The following SNX30 variants were observed in gnomAD, a reference collection of about 807,000 sequenced individuals.
SNX30 encodes sorting nexin family member 30, also known as sorting nexin-30.
Under a neutral mutation model 46.4 loss-of-function variants are expected in SNX30, and 24 were observed. That is an observed-to-expected ratio of 0.52 (90% CI 0.37 to 0.73). The LOEUF is 0.73. SNX30 is among the 30% of genes least tolerant of loss of function. SNX30 has a pLI of 0.00. For missense variants in SNX30, 533 were observed against 555.7 expected (o/e 0.96, Z 0.41); for synonymous variants, 189 against 211.5 (o/e 0.89, Z 0.92).
downstream of SNX30, among the ~76,000 whole-genome samples, chr9:112,883,731 T>C (rs1841611811): frequency 6.8e-6 from 1 of 147,520 alleles, no homozygotes; most frequent in Non-Finnish European, 1.5e-5. Context: ...GGAGTCTAGC[T>C]CTGTCACCCA....
intron 1 of SNX30, among the ~76,000 whole-genome samples, chr9:112,779,271 G>T (rs1839805899): frequency 6.6e-6 from 1 of 152,222 alleles, no homozygotes; most frequent in Admixed American, 6.5e-5. Context: ...GGGAAGAGAA[G>T]AGTGAGCCTC....
At chr9:112,760,015 G>A (rs1839411448) in intron 1 of SNX30, among the ~76,000 whole-genome samples, 1 of 152,072 alleles carries the variant, frequency 6.6e-6, no homozygotes, top group Non-Finnish European at 1.5e-5. Context: ...TCTACATTTT[G>A]GCCTATGCTT....
intron 6 of SNX30, among the ~76,000 whole-genome samples, chr9:112,839,556 C>A (rs1255084729): frequency 6.6e-6 from 1 of 152,182 alleles, no homozygotes; most frequent in Non-Finnish European, 1.5e-5. Flanking sequence ...AGTGCCCACA[C>A]TGGAAACTTC....
At chr9:112,882,802 C>G (rs2131540797), downstream of SNX30, among the ~76,000 whole-genome samples, 1 of 152,060 alleles carries the variant, frequency 6.6e-6, no homozygotes, top group Non-Finnish European at 1.5e-5. Context: ...ATCAAGAACC[C>G]TATTTTGGAA....
chr9:112,758,547 CTTG>C (rs1839387512), intron 1 of SNX30, among the ~76,000 whole-genome samples: 1 of 152,156 alleles, frequency 6.6e-6, no homozygotes, highest in Non-Finnish European at 1.5e-5. Flanking sequence ...CCAGGCTGGT[CTTG>C]ACGCCTGGCT....
At chr9:112,787,206 C>T (rs1839943435) in intron 1 of SNX30, among the ~76,000 whole-genome samples, 1 of 152,194 alleles carries the variant, frequency 6.6e-6, no homozygotes, top group Non-Finnish European at 1.5e-5. Flanking sequence ...CTTCTAGCTG[C>T]TTTGTGGTGA....
chr9:112,764,024 G>A (rs534861393), intron 1 of SNX30, among the ~76,000 whole-genome samples: 3 of 151,758 alleles, frequency 2.0e-5, no homozygotes, highest in African/African-American at 4.8e-5. Context: ...CCACCCTTTC[G>A]AGTCTCCTTT....
chr9:112,839,181 A>G (rs1210987630), intron 6 of SNX30, among the ~76,000 whole-genome samples: 1 of 152,242 alleles, frequency 6.6e-6, no homozygotes, highest in Admixed American at 6.5e-5. Flanking sequence ...CATCCGACTG[A>G]TAAGAGTTCC....
At chr9:112,837,528 T>C (rs1477372987) in intron 5 of SNX30, among the ~76,000 whole-genome samples, 1 of 151,992 alleles carries the variant, frequency 6.6e-6, no homozygotes, top group African/African-American at 2.4e-5. Context: ...CAGGCTGGAG[T>C]GCAGTGGCAC....
chr9:112,864,275 A>T lies in SNX30; in HGVS notation c.1130A>T (p.Asp377Val). The change falls in exon 8 of 9, where the codon GAT becomes GTT. Residue 377 changes from aspartate (D) to valine (V), a missense_variant. By Grantham distance (152) the Asp-to-Val change is radical (BLOSUM62 -3). Around this residue, in one of 3 missense-constraint regions of SNX30, gnomAD observed 261 missense variants for 270.9 expected, o/e 0.96. Coordinates refer to ENST00000374232, the MANE Select transcript of SNX30 (RefSeq NM_001012994.2). Reference protein sequence around the residue: ...KVPADVEKCQDRMECFNADLK... With the variant: ...KVPADVEKCQVRMECFNADLK... ...CCGGCGGACGTCGAGAAATGTCAGG[A>T]TCGGATGGAGTGTTTCAATGCTGAC... 6.2e-7 allele frequency: 1 copy of T among 1,614,030 alleles called. No individual in the cohort carries two copies. The highest frequency in any genetic ancestry group is 8.5e-7 in the Non-Finnish European group (1 of 1,179,990).
In SNX30 at chr9:112,862,207, G is replaced by A. The variant is rs555748658; in HGVS notation, c.1102-2040G>A. ...CACACCTGGGAATCTTTAAACCTGG[G>A]AATCTTTCCTCTGTGAACAGTCCTG... On this transcript the variant is annotated intron_variant, in intron 7 of 8. Coordinates refer to ENST00000374232, the MANE Select transcript of SNX30 (RefSeq NM_001012994.2). 2.6e-5 allele frequency among the ~76,000 whole-genome samples: 4 copies of A among 152,290 alleles called. No individual in the cohort carries two copies. In the South Asian group the frequency reaches 8.3e-4, roughly 32 times the overall value.
At chr9:112,829,016 T>C (rs768925773) in intron 3 of SNX30, among the ~76,000 whole-genome samples, 1 of 152,228 alleles carries the variant, frequency 6.6e-6, no homozygotes, top group Non-Finnish European at 1.5e-5. Flanking sequence ...ATATATGGAC[T>C]TTTGTATCTG....
At chr9:112,756,805 C>T (rs1015592226) in intron 1 of SNX30, among the ~76,000 whole-genome samples, 1 of 152,148 alleles carries the variant, frequency 6.6e-6, no homozygotes, top group Non-Finnish European at 1.5e-5. Context: ...CACGGCCGCA[C>T]CCTGCGTTGT....
intron 1 of SNX30, among the ~76,000 whole-genome samples, chr9:112,753,329 T>G (rs1839305035): frequency 6.6e-6 from 1 of 152,130 alleles, no homozygotes; most frequent in Non-Finnish European, 1.5e-5. Context: ...ATGGCTTCCT[T>G]TAAAGGGTCT....
chr9:112,838,886 C>CA (rs932111247), intron 6 of SNX30, among the ~76,000 whole-genome samples, 189 bp downstream of exon 6: 46 of 146,532 alleles, frequency 3.1e-4, no homozygotes, highest in Admixed American at 8.1e-4. Context: ...GTGAATTAAA[C>CA]AAAAAAAAAA....
chr9:112,833,477 G>A (rs1003742911), intron 4 of SNX30, among the ~76,000 whole-genome samples: 1 of 152,142 alleles, frequency 6.6e-6, no homozygotes, highest in African/African-American at 2.4e-5. Context: ...TGGGCAACAT[G>A]GTGAGACCCC....
chr9:112,808,669 C>A (rs190456004), intron 2 of SNX30, among the ~76,000 whole-genome samples: 58 of 152,200 alleles, frequency 3.8e-4, no homozygotes, highest in African/African-American at 1.3e-3. Context: ...TATACGCTCA[C>A]CAGCCAGAAA....
In SNX30 at chr9:112,830,772, A is replaced by G. The variant is rs770533798; in HGVS notation, c.507A>G (p.Ser169=). The G allele has an allele frequency of 2.5e-6, 4 of 1,613,820 alleles. No individual in the cohort carries two copies. The highest frequency in any genetic ancestry group is 3.4e-6 in the Non-Finnish European group (4 of 1,179,934). ...FVVKGVVDRF[S]EEFVETRRKA... is the part of the protein sequence containing the mutation. ...TAAAAGGTGTTGTGGATCGTTTTTC[A>G]GAAGAGTTTGTGGAGACCAGAAGAA... The change falls in exon 4 of 9, where the codon TCA becomes TCG. Residue 169 remains serine, a synonymous_variant. Transcript: ENST00000374232.
intron 4 of SNX30, among the ~76,000 whole-genome samples, chr9:112,831,113 GGT>G (rs1165840095): frequency 3.3e-5 from 5 of 151,260 alleles, no homozygotes; most frequent in African/African-American, 1.2e-4. Context: ...CTGCAGCCTG[GGT>G]GACAGAGTGA....
Sources: gnomAD v4.1 joint callset for allele counts (sites outside exome capture counted in the v4.1 genomes callset) on GRCh38, gnomAD v4.1.1 for gene constraint, gnomAD v4.1.1 regional missense constraint, MANE v1.5 for transcripts, NCBI Gene and HGNC (gene_info 2026-07-23, HGNC 2026-07-21) for gene names.